The following LAMA3 variants were observed in gnomAD, a reference collection of about 807,000 sequenced individuals.
LAMA3 encodes the protein laminin subunit alpha-3.
In LAMA3, 281 loss-of-function variants were observed where a neutral mutation model predicts 402.0. The ratio of observed to expected loss-of-function variants is 0.70; its 90% CI spans 0.63 to 0.77. The LOEUF (loss-of-function observed/expected upper bound fraction) is 0.77. Among genes scored for constraint, LAMA3 ranks in the 30% least tolerant of loss-of-function variants. LAMA3 has a pLI of 0.00. For missense variants in LAMA3, 3,840 were observed against 4,215.5 expected (o/e 0.91, Z 2.47); for synonymous variants, 1,431 against 1,558.4 (o/e 0.92, Z 1.93).
At chr18:23,761,920 A>G (rs1490177890) in intron 7 of LAMA3, among the ~76,000 whole-genome samples, 2 of 152,242 alleles carry the variant, frequency 1.3e-5, no homozygotes, top group Non-Finnish European at 2.9e-5. Flanking sequence ...AAAAACTCCA[A>G]CTAAAATAAA....
chr18:23,866,910 C>A (rs890346096), intron 36 of LAMA3, among the ~76,000 whole-genome samples: 2 of 152,228 alleles, frequency 1.3e-5, no homozygotes, highest in Admixed American at 1.3e-4. Context: ...TTTTGTGCTA[C>A]AGCAGAAAAG....
intron 1 of LAMA3, among the ~76,000 whole-genome samples, chr18:23,701,382 C>T (rs1433442512): frequency 6.6e-6 from 1 of 152,136 alleles, no homozygotes; most frequent in Non-Finnish European, 1.5e-5. Flanking sequence ...GGAGGCCCTG[C>T]TCATGGAACA....
Position 23,748,015 on chromosome 18 carries a change from T to C in LAMA3, c.520T>C (p.Ser174Pro), listed in dbSNP as rs2061681232. 1 of 1,613,616 alleles carries C rather than the reference T, an allele frequency of 6.2e-7. No homozygotes were observed. Among genetic ancestry groups the C allele is most frequent in the Non-Finnish European group, 8.5e-7 (1 of 1,179,584 alleles). The change falls in exon 3 of 75, where the codon TCT becomes CCT. Residue 174 changes from serine to proline, a missense_variant. Ser to Pro is a moderately conservative substitution (Grantham distance 74, BLOSUM62 -1). This residue lies in a region of LAMA3 where 2,109 missense variants were observed against 2,376.0 expected (regional missense o/e 0.89). Coordinates refer to ENST00000313654, the MANE Select transcript of LAMA3 (RefSeq NM_198129.4). ...CCCTGATCTTTGGGTCTTGGAAAGA[T>C]CTGTAGACTTTGGAAGCACCTACTC... ...PRPDLWVLER[S>P]VDFGSTYSPW... is the part of the protein sequence containing the mutation.
intron 47 of LAMA3, among the ~76,000 whole-genome samples, chr18:23,900,250 T>C (rs1159174897): frequency 6.6e-6 from 1 of 152,168 alleles, no homozygotes; most frequent in Non-Finnish European, 1.5e-5. Flanking sequence ...TTTATATTTT[T>C]AGTAGAGACA....
At chr18:23,691,834 A>C (rs1165291402) in intron 1 of LAMA3, among the ~76,000 whole-genome samples, 2 of 152,228 alleles carry the variant, frequency 1.3e-5, no homozygotes, top group Non-Finnish European at 2.9e-5. Context: ...GGCCTCCCAA[A>C]GTGCTGGGAT....
chr18:23,944,207 C>A (rs1490931384), intron 69 of LAMA3, among the ~76,000 whole-genome samples: 1 of 152,098 alleles, frequency 6.6e-6, no homozygotes, highest in East Asian at 1.9e-4. Context: ...TTCTTCCATC[C>A]CCTCCAGCCC....
intron 15 of LAMA3, among the ~76,000 whole-genome samples, chr18:23,814,821 T>G (rs1052605304): frequency 6.6e-6 from 1 of 152,240 alleles, no homozygotes; most frequent in Non-Finnish European, 1.5e-5. Context: ...TCAGAGCCAG[T>G]ATAAGGACTT....
chr18:23,917,894 G>T (rs983865877), intron 60 of LAMA3, among the ~76,000 whole-genome samples: 2 of 151,830 alleles, frequency 1.3e-5, no homozygotes, highest in Non-Finnish European at 2.9e-5. Flanking sequence ...GTCAATTTTT[G>T]TTTTTGTTGC....
intron 8 of LAMA3, 101 bp from the exon 9 acceptor site, chr18:23,773,396 A>C: frequency 1.3e-6 from 1 of 799,464 alleles, no homozygotes. Flanking sequence ...TCAAAATTAC[A>C]ATTGTATATG....
In LAMA3 at chr18:23,908,517, G is replaced by A. The variant is rs567206554; in HGVS notation, c.7015+582G>A. On this transcript the variant is annotated intron_variant, in intron 54 of 74. Transcript: ENST00000313654. ...TGCACTCCAGCCTGGACGACAGAGC[G>A]AGACTCCATCTCAAACAAAAAAAAA... 4.6e-5 allele frequency among the ~76,000 whole-genome samples: 6 copies of A among 130,796 alleles called. No homozygotes were observed. In the East Asian group the frequency reaches 9.0e-4, roughly 20 times the overall value. 85.8% of individuals were successfully genotyped at this position (130,796 alleles called of 152,430 possible). A position where few individuals can be genotyped will look rare whatever the true frequency, so the allele number is the denominator to read the frequency against.
chr18:23,816,931 C>T (rs2063187338), intron 18 of LAMA3, among the ~76,000 whole-genome samples: 1 of 152,078 alleles, frequency 6.6e-6, no homozygotes, highest in South Asian at 2.1e-4. Flanking sequence ...GTGCGACATA[C>T]CCAGGTGCTT....
rs371777977 is a variant in LAMA3 at position 23,692,009 on chromosome 18, C to G, written c.294+2032C>G. Among the ~76,000 whole-genome samples the G allele has an allele frequency of 8.1e-4, 124 of 152,266 alleles. 3 individuals carry two copies. The South Asian group carries it at 0.025, about 31-fold the overall frequency. On this transcript the variant is annotated intron_variant, in intron 1 of 74. Coordinates refer to ENST00000313654, the MANE Select transcript of LAMA3 (RefSeq NM_198129.4). The stretch of plus-strand genomic sequence containing the variant: ...TCAGTGCAAAGTGGAAATGTAGAAC[C>G]CCTTGTTAAAAAATTATTTTAAATA...
intron 19 of LAMA3, among the ~76,000 whole-genome samples, chr18:23,821,843 C>G (rs186113013): frequency 5.3e-5 from 8 of 152,326 alleles, no homozygotes; most frequent in Admixed American, 3.3e-4. Flanking sequence ...GAAGCAGTCT[C>G]TCTTTGGTGG....
chr18:23,811,299 G>A (rs1214471160), intron 13 of LAMA3, among the ~76,000 whole-genome samples: 1 of 152,140 alleles, frequency 6.6e-6, no homozygotes, highest in African/African-American at 2.4e-5. Flanking sequence ...CTGTGAAGAG[G>A]TGTTTGTGGA....
chr18:23,784,675 T>C (rs1027654622), intron 12 of LAMA3, among the ~76,000 whole-genome samples: 3 of 151,764 alleles, frequency 2.0e-5, no homozygotes, highest in Non-Finnish European at 2.9e-5. Flanking sequence ...CAAGGGTCGC[T>C]GAAGGGGGGA....
chr18:23,732,200 G>A (rs2061406022), intron 2 of LAMA3, among the ~76,000 whole-genome samples: 1 of 152,192 alleles, frequency 6.6e-6, no homozygotes, highest in Admixed American at 6.5e-5. Context: ...TTGCTGGTCT[G>A]TGGGCCACAT....
chr18:23,731,776 G>A (rs2061398184), intron 2 of LAMA3, among the ~76,000 whole-genome samples: 1 of 106,254 alleles, frequency 9.4e-6, no homozygotes, highest in Non-Finnish European at 2.4e-5. Flanking sequence ...AGAGGAGGGA[G>A]GGAGGGGAAA....
chr18:23,833,287 T>C (rs938729694), intron 23 of LAMA3, among the ~76,000 whole-genome samples: 1 of 152,162 alleles, frequency 6.6e-6, no homozygotes, highest in Non-Finnish European at 1.5e-5. Flanking sequence ...GCATAGAAAA[T>C]GGTTTGGTAT....
At chr18:23,822,127 A>C in intron 19 of LAMA3, 125 bp from the exon 20 acceptor site, 1 of 949,130 alleles carries the variant, frequency 1.1e-6, no homozygotes, top group Non-Finnish European at 1.7e-6. Context: ...GTGAGTGTGT[A>C]TGTGTGTGTA....
Sources: allele counts gnomAD v4.1 joint callset (sites outside exome capture counted in the v4.1 genomes callset), GRCh38; gene constraint gnomAD v4.1.1; regional missense constraint gnomAD v4.1.1; transcripts MANE v1.5; gene names NCBI Gene and HGNC (gene_info 2026-07-23, HGNC 2026-07-21).